INO80: variants seen among roughly 807,000 people sequenced by gnomAD.
The protein encoded by INO80 is chromatin-remodeling ATPase INO80.
In INO80, 20 loss-of-function variants were observed where a neutral mutation model predicts 203.4. The observed-to-expected ratio is 0.10, with a 90% CI of 0.07 to 0.14. The LOEUF (loss-of-function observed/expected upper bound fraction) is 0.14, where lower values mean the gene tolerates loss of function less well. Among genes scored for constraint, INO80 ranks in the 10% least tolerant of loss-of-function variants. The pLI is 1.00. For synonymous variants in INO80, 726 were observed against 685.2 expected, an observed-to-expected ratio of 1.06 and a Z score of -0.93; for missense variants, 1,419 against 1,914.4, an observed-to-expected ratio of 0.74 and a Z score of 4.83.
intron 28 of INO80, chr15:41,004,951 T>C (rs2044015847): frequency 6.6e-6 from 1 of 152,102 alleles, no homozygotes; most frequent in Non-Finnish European, 1.5e-5. Context: ...TCCTAGCACT[T>C]TGGGAGGTGG....
intron 24 of INO80, among the ~76,000 whole-genome samples, chr15:41,030,670 CTTATT>C (rs1596273603): frequency 6.7e-6 from 1 of 148,806 alleles, no homozygotes; most frequent in African/African-American, 2.5e-5. Flanking sequence ...CCAACATTCA[CTTATT>C]TTATTTTATT....
At position 41,071,864 on chromosome 15, in the gene INO80, G is replaced by A. The variant is rs145641308; in HGVS notation, c.1590C>T (p.Ala530=). 6.2e-7 allele frequency: 1 copy of A among 1,613,196 alleles called. No individual in the cohort carries two copies. Among genetic ancestry groups the A allele is most frequent in the African/African-American group, 1.3e-5 (1 of 74,828 alleles). The part of the protein sequence containing the change: ...GYQLKGMNWL[A]NLYEQGINGI... ...TAAAATTCACCTGTTCATATAGATTGGCCAACCAATTCATGCCTTTCAGTT... is the reference window on the plus strand; with the variant it reads ...TAAAATTCACCTGTTCATATAGATTAGCCAACCAATTCATGCCTTTCAGTT... Residue 530 remains alanine (A), a synonymous_variant, in exon 12 of 36, where the codon GCC becomes GCT. Transcript: ENST00000648947.
At chr15:41,036,388 T>G (rs1566921938) in intron 24 of INO80, among the ~76,000 whole-genome samples, 2 of 152,096 alleles carry the variant, frequency 1.3e-5, no homozygotes, top group Non-Finnish European at 1.5e-5. Context: ...CTGGTGTTCC[T>G]TACTACCCAA....
intron 1 of INO80, among the ~76,000 whole-genome samples, chr15:41,108,585 C>T (rs2045915509): frequency 2.1e-5 from 3 of 144,620 alleles, no homozygotes; most frequent in Non-Finnish European, 4.5e-5. Flanking sequence ...CAGCGAGACT[C>T]CGTCTCAAAA....
rs1031987005 is a variant in INO80, at chr15:41,074,058, C to G, written c.1327+312G>C. Among the ~76,000 whole-genome samples the G allele has an allele frequency of 2.6e-5, 4 of 152,084 alleles. 1 individual carries two copies. Among genetic ancestry groups the G allele is most frequent in the African/African-American group, 9.7e-5 (4 of 41,406 alleles). The stretch of plus-strand genomic sequence containing the variant: ...AATCGTATTATGTGAGAGATGTTTT[C>G]CTCTGCTGAAACACAGTTCAGTTCT... On this transcript the variant is annotated intron_variant, in intron 10 of 35. Coordinates refer to ENST00000648947, the MANE Select transcript of INO80 (RefSeq NM_017553.3).
chr15:41,042,092 C>A (rs1043929468), intron 24 of INO80, among the ~76,000 whole-genome samples: 1 of 150,368 alleles, frequency 6.7e-6, no homozygotes, highest in African/African-American at 2.5e-5. Context: ...CAGCTCACTG[C>A]AACTTCTGCC....
At chr15:41,008,583 T>C (rs1401509545) in intron 27 of INO80, among the ~76,000 whole-genome samples, 1 of 152,214 alleles carries the variant, frequency 6.6e-6, no homozygotes, top group Non-Finnish European at 1.5e-5. Flanking sequence ...ATGGTCGACC[T>C]TAAATATATA....
At chr15:40,997,667 G>T in intron 28 of INO80, 66 bp from the exon 29 acceptor site, 2 of 1,030,038 alleles carry the variant, frequency 1.9e-6, no homozygotes, top group Non-Finnish European at 3.1e-6. Flanking sequence ...TATCAATAGA[G>T]AGAGATCTCT....
chr15:41,091,280 G>A (rs1220720179), intron 5 of INO80, among the ~76,000 whole-genome samples: 4 of 152,052 alleles, frequency 2.6e-5, no homozygotes, highest in Non-Finnish European at 4.4e-5. Context: ...GGCTGGGCTC[G>A]AACTCCTGAC....
At chr15:41,022,774 T>C (rs1235956784) in intron 25 of INO80, among the ~76,000 whole-genome samples, 1 of 152,192 alleles carries the variant, frequency 6.6e-6, no homozygotes, top group Non-Finnish European at 1.5e-5. Context: ...CAAACAATAC[T>C]AGAATCTCAT....
chr15:41,088,193 G>A (rs73399082), intron 5 of INO80, among the ~76,000 whole-genome samples: 10,975 of 149,780 alleles, frequency 0.073, 1,171 homozygotes, highest in African/African-American at 0.24. Flanking sequence ...TGGTTCAAGC[G>A]ATTCTCGTGT....
In INO80 at chr15:41,090,248, T is replaced by A. The variant is rs141511758; in HGVS notation, c.537+1779A>T. On this transcript the variant is annotated intron_variant, in intron 5 of 35. Transcript: ENST00000648947. ...GGCACATGTTGCATGATTGCATTTG[T>A]ATGAAATGTCTAGAATGGGCACATT... Among the ~76,000 whole-genome samples, 8 of 152,314 alleles carry A rather than the reference T, an allele frequency of 5.3e-5. No individual in the cohort carries two copies. In the East Asian group the frequency reaches 1.5e-3, roughly 29 times the overall value.
At chr15:41,019,101 A>C (rs1475299185) in intron 26 of INO80, among the ~76,000 whole-genome samples, 4 of 152,234 alleles carry the variant, frequency 2.6e-5, no homozygotes, top group Non-Finnish European at 5.9e-5. Context: ...GCAAAAGATT[A>C]AATAATATCT....
intron 27 of INO80, among the ~76,000 whole-genome samples, chr15:41,012,409 T>C (rs1462655660): frequency 6.6e-6 from 1 of 151,758 alleles, no homozygotes; most frequent in Non-Finnish European, 1.5e-5. Context: ...TCTACAAAAA[T>C]ACAAAAATTA....
intron 29 of INO80, among the ~76,000 whole-genome samples, chr15:40,990,605 C>T (rs1442986499): frequency 2.6e-5 from 4 of 152,132 alleles, no homozygotes; most frequent in Non-Finnish European, 5.9e-5. Flanking sequence ...AGAAAGTCAC[C>T]GTGAATGCTT....
intron 1 of INO80, among the ~76,000 whole-genome samples, chr15:41,101,959 A>C (rs1008440542): frequency 6.6e-6 from 1 of 152,018 alleles, no homozygotes; most frequent in Non-Finnish European, 1.5e-5. Flanking sequence ...TGGGAGGCTG[A>C]GACGAGCAGA....
chr15:41,063,063 G>A (rs1025612722), intron 14 of INO80, among the ~76,000 whole-genome samples: 3 of 152,118 alleles, frequency 2.0e-5, no homozygotes, highest in South Asian at 2.1e-4. Flanking sequence ...TAGGGTGGGC[G>A]CAGTGGCTCA....
chr15:40,993,361 G>A (rs540949878), intron 29 of INO80, among the ~76,000 whole-genome samples: 1 of 152,218 alleles, frequency 6.6e-6, no homozygotes, highest in African/African-American at 2.4e-5. Flanking sequence ...TAGGCAAGCT[G>A]AGAAGAAGAG....
At chr15:41,091,212 C>T (rs1216227421) in intron 5 of INO80, among the ~76,000 whole-genome samples, 1 of 152,204 alleles carries the variant, frequency 6.6e-6, no homozygotes, top group Non-Finnish European at 1.5e-5. Context: ...GCGTGAGTCA[C>T]TGCGCCCAGC....
Sources: gnomAD v4.1 joint callset for allele counts (sites outside exome capture counted in the v4.1 genomes callset) on GRCh38, gnomAD v4.1.1 for gene constraint, MANE v1.5 for transcripts, NCBI Gene and HGNC (gene_info 2026-07-23, HGNC 2026-07-21) for gene names.